The following CD82 variants were observed in gnomAD, a reference collection of about 807,000 sequenced individuals.
CD82 encodes CD82 antigen.
In CD82, 36 loss-of-function variants were observed where a neutral mutation model predicts 37.4. The ratio of observed to expected loss-of-function variants is 0.96; its 90% CI spans 0.74 to 1.27. CD82 has a LOEUF of 1.27. Ranked by LOEUF, CD82 falls within the 50% of genes most tolerant of loss-of-function variation. CD82 has a pLI of 0.00. For synonymous variants in CD82, 158 were observed against 137.4 expected (o/e 1.15, Z -1.05); for missense variants, 340 against 347.0 (o/e 0.98, Z 0.16).
chr11:44,604,004 C>T (rs905223399), intron 4 of CD82, among the ~76,000 whole-genome samples: 1 of 152,206 alleles, frequency 6.6e-6, no homozygotes, highest in Non-Finnish European at 1.5e-5. Flanking sequence ...CAGATCTTTG[C>T]TTGGCTGACT....
chr11:44,601,832 G>C (rs1853313887), intron 4 of CD82, among the ~76,000 whole-genome samples: 1 of 152,184 alleles, frequency 6.6e-6, no homozygotes, highest in Non-Finnish European at 1.5e-5. Context: ...AGTTCCCCAG[G>C]TGGATTCCCC....
At chr11:44,594,908 C>T (rs7925590) in intron 3 of CD82, 183 bp downstream of exon 3, 4 of 608,970 alleles carry the variant, frequency 6.6e-6, no homozygotes, top group Admixed American at 5.1e-5. Flanking sequence ...CTGCCATTCC[C>T]AGCTGGTCCT....
At chr11:44,582,603 C>A (rs1852996333) in intron 1 of CD82, among the ~76,000 whole-genome samples, 1 of 152,166 alleles carries the variant, frequency 6.6e-6, no homozygotes, top group South Asian at 2.1e-4. Context: ...TCTCTCAGGG[C>A]CCGTACTATC....
At chr11:44,594,840 T>A in intron 3 of CD82, 115 bp downstream of exon 3, 1 of 855,280 alleles carries the variant, frequency 1.2e-6, no homozygotes, top group Non-Finnish European at 2.0e-6. Context: ...ATTTGGTGGG[T>A]AGGGACTGAG....
intron 6 of CD82, 119 bp downstream of exon 6, chr11:44,605,548 A>G (rs1365327334): frequency 3.4e-6 from 3 of 886,692 alleles, no homozygotes; most frequent in Non-Finnish European, 5.4e-6. Flanking sequence ...AGTAGGTGTC[A>G]GGGACGGCCT....
intron 2 of CD82, among the ~76,000 whole-genome samples, chr11:44,593,547 A>G (rs4755847): frequency 0.51 from 77,338 of 152,070 alleles, 20,230 homozygotes; most frequent in East Asian, 0.86. Context: ...CCCTCCCCTC[A>G]CCTGGGGTCT....
At chr11:44,607,474 C>A (rs2134678183) in intron 6 of CD82, among the ~76,000 whole-genome samples, 1 of 152,276 alleles carries the variant, frequency 6.6e-6, no homozygotes, top group Non-Finnish European at 1.5e-5. Flanking sequence ...GTGATATAAT[C>A]AGGGTGGATT....
At chr11:44,601,844 G>A (rs544072811) in intron 4 of CD82, among the ~76,000 whole-genome samples, 1 of 152,322 alleles carries the variant, frequency 6.6e-6, no homozygotes, top group South Asian at 2.1e-4. Flanking sequence ...GGATTCCCCA[G>A]GCAGCCAGGG....
upstream of CD82, among the ~76,000 whole-genome samples, chr11:44,565,197 A>AGCCTG (rs1428140709): frequency 2.6e-5 from 4 of 152,058 alleles, no homozygotes; most frequent in African/African-American, 7.2e-5. Context: ...CGCTGAGCCC[A>AGCCTG]GGCTGGTGCG....
At chr11:44,583,837 G>T (rs2134636700) in intron 1 of CD82, among the ~76,000 whole-genome samples, 1 of 152,318 alleles carries the variant, frequency 6.6e-6, no homozygotes, top group South Asian at 2.1e-4. Flanking sequence ...AGGGATGGCT[G>T]CTGGCCTGTG....
chr11:44,596,460 G>T (rs989344921), intron 3 of CD82, among the ~76,000 whole-genome samples: 1 of 152,242 alleles, frequency 6.6e-6, no homozygotes, highest in South Asian at 2.1e-4. Flanking sequence ...TTCATGCAGT[G>T]GGGGTTGGGG....
chr11:44,590,717 G>A (rs1216473630), intron 2 of CD82, among the ~76,000 whole-genome samples: 1 of 150,900 alleles, frequency 6.6e-6, no homozygotes, highest in African/African-American at 2.4e-5. Context: ...ACCAACCCTG[G>A]TTCCACACCA....
Position 44,619,169 on chromosome 11 carries a change from G to C in CD82, c.*43G>C. The C allele has an allele frequency of 6.7e-7, 1 of 1,491,482 alleles. No individual in the cohort carries two copies. Among genetic ancestry groups the C allele is most frequent in the Non-Finnish European group, 9.4e-7 (1 of 1,068,226 alleles). The allele number at this position is 1,491,482 out of a possible 1,614,324, so 92.4% of individuals were successfully genotyped here. On this transcript the variant is annotated 3_prime_UTR_variant, in exon 10 of 10. Coordinates refer to ENST00000227155, the MANE Select transcript of CD82 (RefSeq NM_002231.4). ...TCTCCCTGCCTGGCCCCCAACCTCAGGGCTCCCAGGGGTCTCCCTGGCTCC... is the reference window on the plus strand; with the variant it reads ...TCTCCCTGCCTGGCCCCCAACCTCACGGCTCCCAGGGGTCTCCCTGGCTCC...
At chr11:44,581,843 G>T in intron 1 of CD82, among the ~76,000 whole-genome samples, 1 of 152,204 alleles carries the variant, frequency 6.6e-6, no homozygotes, top group East Asian at 1.9e-4. Context: ...ATGTGCTGCT[G>T]TTCCATCTCG....
At chr11:44,576,424 G>T (rs1852892330) in intron 1 of CD82, among the ~76,000 whole-genome samples, 2 of 152,202 alleles carry the variant, frequency 1.3e-5, no homozygotes, top group African/African-American at 4.8e-5. Flanking sequence ...GAAAGGGGCA[G>T]AGCTGGGCTT....
chr11:44,586,677 T>C (rs1249834918), intron 1 of CD82, among the ~76,000 whole-genome samples: 1 of 152,066 alleles, frequency 6.6e-6, no homozygotes, highest in Middle Eastern at 3.2e-3. Flanking sequence ...TATATACATT[T>C]TAAAAAATCC....
At chr11:44,576,664 C>T (rs1437394410) in intron 1 of CD82, among the ~76,000 whole-genome samples, 1 of 152,210 alleles carries the variant, frequency 6.6e-6, no homozygotes, top group Non-Finnish European at 1.5e-5. Flanking sequence ...GGCTGTGTGG[C>T]CTGGGGGCAA....
rs552089684 is a variant in CD82, at chr11:44,596,816, C to T, written c.63+2091C>T. 6.6e-4 allele frequency: 292 copies of T among 439,886 alleles called. 3 individuals are homozygous for T. The highest frequency in any genetic ancestry group is 4.5e-3 in the South Asian group (283 of 62,676). 27.2% of individuals were successfully genotyped at this position (439,886 alleles called of 1,614,324 possible). The stretch of plus-strand genomic sequence containing the variant: ...TCTTCAGATGTTCAGGGCGGAAGAG[C>T]CCTGATTGCTATACTTCCGGAGCTT... On this transcript the variant is annotated intron_variant, in intron 3 of 9. Transcript: ENST00000227155.
chr11:44,602,401 T>C (rs756152500), intron 4 of CD82, among the ~76,000 whole-genome samples: 1 of 152,236 alleles, frequency 6.6e-6, no homozygotes, highest in Non-Finnish European at 1.5e-5. Context: ...GCCTCTCATT[T>C]TTATCTGAAA....
Sources: gnomAD v4.1 joint callset for allele counts (sites outside exome capture counted in the v4.1 genomes callset) on GRCh38, gnomAD v4.1.1 for gene constraint, MANE v1.5 for transcripts, NCBI Gene and HGNC (gene_info 2026-07-23, HGNC 2026-07-21) for gene names.